EXOC2: variants seen among roughly 807,000 people sequenced by gnomAD.
EXOC2 encodes the protein exocyst complex component 2.
A neutral mutation model predicts 131.8 loss-of-function variants in EXOC2; 70 were observed. The ratio of observed to expected loss-of-function variants is 0.53; its 90% CI spans 0.44 to 0.65. The LOEUF is 0.65. Ranked by LOEUF, EXOC2 falls within the 30% of genes least tolerant of loss-of-function variation. The probability of loss-of-function intolerance (pLI) is 0.00; values close to 1 mark genes in which losing one functional copy is unlikely to be tolerated. For missense variants in EXOC2, 923 were observed against 1,108.6 expected (o/e 0.83, Z 2.38); for synonymous variants, 411 against 398.4 (o/e 1.03, Z -0.38).
At chr6:514,819 G>A (rs1765052726) in intron 23 of EXOC2, among the ~76,000 whole-genome samples, 2 of 152,228 alleles carry the variant, frequency 1.3e-5, no homozygotes, top group Admixed American at 1.3e-4. Context: ...CAAGCCCCGT[G>A]ATGTCCCAGG....
intron 4 of EXOC2, among the ~76,000 whole-genome samples, chr6:629,509 T>C (rs180970718): frequency 6.6e-6 from 1 of 152,360 alleles, no homozygotes; most frequent in Admixed American, 6.5e-5. Flanking sequence ...ACAGATTATG[T>C]ATGCTATTTT....
chr6:513,926 T>C (rs186961519), intron 23 of EXOC2, among the ~76,000 whole-genome samples: 1 of 152,354 alleles, frequency 6.6e-6, no homozygotes, highest in East Asian at 1.9e-4. Context: ...AGCCACAAAC[T>C]GAGCTTTTTA....
chr6:619,357 C>G, intron 5 of EXOC2, 73 bp downstream of exon 5: 6 of 1,255,358 alleles, frequency 4.8e-6, no homozygotes, highest in Non-Finnish European at 6.9e-6. Context: ...ACCTAAAACT[C>G]GAGTTACCGT....
chr6:620,520 A>G (rs1199831930), intron 4 of EXOC2, among the ~76,000 whole-genome samples: 1 of 152,178 alleles, frequency 6.6e-6, no homozygotes, highest in East Asian at 1.9e-4. Flanking sequence ...ATAAGGTATA[A>G]ACCAGACACA....
intron 22 of EXOC2, among the ~76,000 whole-genome samples, chr6:537,410 G>A (rs1766527898): frequency 1.3e-5 from 2 of 151,096 alleles, no homozygotes; most frequent in African/African-American, 2.4e-5. Context: ...GTTCATGACC[G>A]ACGGAGCGTA....
intron 13 of EXOC2, among the ~76,000 whole-genome samples, chr6:567,120 ACAC>A: frequency 6.6e-6 from 1 of 152,286 alleles, no homozygotes; most frequent in East Asian, 1.9e-4. Flanking sequence ...GATTCTGAAC[ACAC>A]CACCAAGGTG....
Position 561,383 on chromosome 6 carries a change from A to G in EXOC2, c.1851+1401T>C, listed in dbSNP as rs1002669310. Reference sequence around the variant, plus strand: ...GGCTTGAGAGTCCTCAGATCTTGGTATATGAAGGGATCTGGAACCAGCCTT... The same window carrying G: ...GGCTTGAGAGTCCTCAGATCTTGGTGTATGAAGGGATCTGGAACCAGCCTT... On this transcript the variant is annotated intron_variant, in intron 17 of 27. Coordinates refer to ENST00000230449, the MANE Select transcript of EXOC2 (RefSeq NM_018303.6). Among the ~76,000 whole-genome samples, 6 of 152,308 alleles carry G rather than the reference A, an allele frequency of 3.9e-5. No individual in the cohort carries two copies. In the East Asian group the frequency reaches 9.7e-4, roughly 25 times the overall value.
At chr6:546,834 G>T (rs1756890064) in intron 22 of EXOC2, among the ~76,000 whole-genome samples, 1 of 152,232 alleles carries the variant, frequency 6.6e-6, no homozygotes, top group African/African-American at 2.4e-5. Context: ...GAGGCTACTA[G>T]TAGTTAGGTT....
rs115637661 is a variant in EXOC2 at position 500,463 on chromosome 6, T to C, written c.2381-763A>G. On this transcript the variant is annotated intron_variant, in intron 23 of 27. Transcript: ENST00000230449. The stretch of plus-strand genomic sequence containing the variant: ...TTTCGACAGCTGCTAGTTGTGACTT[T>C]TGGCAAGAAGGCTGTGAGCCTCAGT... Among the ~76,000 whole-genome samples, 1,174 of 152,324 alleles carry C rather than the reference T, an allele frequency of 7.7e-3. 18 individuals carry two copies. The highest frequency in any genetic ancestry group is 0.027 in the African/African-American group (1,110 of 41,560).
chr6:552,729 G>C (rs1757212837), intron 21 of EXOC2, among the ~76,000 whole-genome samples: 1 of 152,044 alleles, frequency 6.6e-6, no homozygotes, highest in African/African-American at 2.4e-5. Context: ...ATTGAATCTA[G>C]AATAATTTTT....
intron 11 of EXOC2, among the ~76,000 whole-genome samples, chr6:581,302 A>AT (rs1483086478): frequency 6.6e-6 from 1 of 152,108 alleles, no homozygotes; most frequent in Non-Finnish European, 1.5e-5. Context: ...TCTCAAAAAA[A>AT]AAAAAAAAAA....
At chr6:571,132 G>A (rs187399225) in intron 13 of EXOC2, among the ~76,000 whole-genome samples, 21 of 152,274 alleles carry the variant, frequency 1.4e-4, no homozygotes, top group Admixed American at 8.5e-4. Context: ...GAAACCTGAC[G>A]TTCGTTTCAT....
rs187593080 is a variant in EXOC2, at chr6:660,205, C to A, written c.-43-22344G>T. Among the ~76,000 whole-genome samples the A allele has an allele frequency of 1.9e-3, 268 of 143,786 alleles. 1 individual carries two copies. Among genetic ancestry groups the A allele is most frequent in the African/African-American group, 6.6e-3 (260 of 39,600 alleles). The allele number at this position is 143,786 out of a possible 152,430, so 94.3% of individuals were successfully genotyped here. The stretch of plus-strand genomic sequence containing the variant: ...CCCCCAACCCGATGGTCCTTCCCTA[C>A]CCAACCTGGTAGTGGAAGACAAAGG... On this transcript the variant is annotated intron_variant, in intron 1 of 27. Coordinates refer to ENST00000230449, the MANE Select transcript of EXOC2 (RefSeq NM_018303.6).
chr6:562,753 T>G, intron 17 of EXOC2, 31 bp downstream of exon 17: 1 of 1,462,744 alleles, frequency 6.8e-7, no homozygotes, highest in Non-Finnish European at 9.4e-7. Context: ...TACACACTAA[T>G]GACTAATAAT....
chr6:614,200 C>G (rs1760861512), intron 6 of EXOC2, among the ~76,000 whole-genome samples: 1 of 151,956 alleles, frequency 6.6e-6, no homozygotes, highest in African/African-American at 2.4e-5. Flanking sequence ...ACTAGATAAT[C>G]TAACAATGGA....
At chr6:689,832 A>G (rs769594384) in intron 1 of EXOC2, among the ~76,000 whole-genome samples, 4 of 152,250 alleles carry the variant, frequency 2.6e-5, no homozygotes, top group Non-Finnish European at 4.4e-5. Context: ...CACAAGTGCT[A>G]TAAGACAAGT....
chr6:516,799 A>C (rs1418605188), intron 23 of EXOC2, among the ~76,000 whole-genome samples: 1 of 152,248 alleles, frequency 6.6e-6, no homozygotes, highest in Non-Finnish European at 1.5e-5. Flanking sequence ...AACCAGGTCA[A>C]GTGACAAAAA....
At chr6:513,288 C>G (rs111721983) in intron 23 of EXOC2, among the ~76,000 whole-genome samples, 4 of 152,368 alleles carry the variant, frequency 2.6e-5, no homozygotes, top group African/African-American at 9.6e-5. Context: ...TGCGGCTGCA[C>G]ACGGCCCACG....
At chr6:524,584 T>C (rs942525154) in intron 23 of EXOC2, among the ~76,000 whole-genome samples, 6 of 152,206 alleles carry the variant, frequency 3.9e-5, no homozygotes, top group Admixed American at 3.9e-4. Context: ...GTTATGCAGG[T>C]TTCATAAAAT....
Sources: gnomAD v4.1 joint callset for allele counts (sites outside exome capture counted in the v4.1 genomes callset) on GRCh38, gnomAD v4.1.1 for gene constraint, MANE v1.5 for transcripts, NCBI Gene and HGNC (gene_info 2026-07-23, HGNC 2026-07-21) for gene names.